NUP88: variants seen among roughly 807,000 people sequenced by gnomAD.
NUP88 encodes nuclear pore complex protein Nup88.
Under a neutral mutation model 93.9 loss-of-function variants are expected in NUP88, and 57 were observed. The ratio of observed to expected loss-of-function variants is 0.61; its 90% CI spans 0.49 to 0.76. NUP88 has a LOEUF of 0.76. Among genes scored for constraint, NUP88 ranks in the 30% least tolerant of loss-of-function variants. NUP88 has a pLI of 0.00. For missense variants in NUP88, 911 were observed against 901.0 expected, an observed-to-expected ratio of 1.01 and a Z score of -0.14; for synonymous variants, 346 against 336.8, an observed-to-expected ratio of 1.03 and a Z score of -0.30.
chr17:5,419,330 C>T (rs372739978), intron 1 of NUP88, 24 bp downstream of exon 1: 271 of 1,536,212 alleles, frequency 1.8e-4, no homozygotes, highest in South Asian at 1.7e-3. Context: ...GTGAGGGTCA[C>T]TTCCAAGATC....
At position 5,414,005 on chromosome 17, in the gene NUP88, T is replaced by G. The variant is rs1275163168; in HGVS notation, c.593+4A>C. 6.2e-7 allele frequency: 1 copy of G among 1,613,156 alleles called. No individual in the cohort carries two copies. The highest frequency in any genetic ancestry group is 8.5e-7 in the Non-Finnish European group (1 of 1,179,484). On this transcript the variant is annotated splice_donor_region_variant and intron_variant, in intron 3 of 16. Coordinates refer to ENST00000573584, the MANE Select transcript of NUP88 (RefSeq NM_002532.6). ...AGGCTTCAAGAGAGAGAAATAAAATTTACCTGATTACGTTGTCTGATGTTA... is the reference window on the plus strand; with the variant it reads ...AGGCTTCAAGAGAGAGAAATAAAATGTACCTGATTACGTTGTCTGATGTTA...
At chr17:5,396,336 C>T (rs894484210) in intron 8 of NUP88, among the ~76,000 whole-genome samples, 1 of 152,228 alleles carries the variant, frequency 6.6e-6, no homozygotes, top group African/African-American at 2.4e-5. Flanking sequence ...GGCAACTAAT[C>T]TACTTTCTGT....
At chr17:5,405,360 G>A (rs1346820505) in intron 5 of NUP88, 117 bp from the exon 6 acceptor site, 4 of 787,002 alleles carry the variant, frequency 5.1e-6, no homozygotes, top group Middle Eastern at 3.4e-4. Flanking sequence ...TAAATGTAGT[G>A]TATTCCCAAT....
At chr17:5,408,667 C>A (rs1913639510) in intron 5 of NUP88, 66 bp downstream of exon 5, 2 of 1,234,224 alleles carry the variant, frequency 1.6e-6, no homozygotes, top group African/African-American at 1.5e-5. Context: ...CCAAGTCCAG[C>A]CTCAATGATA....
chr17:5,389,486 G>A (rs1339224094), intron 10 of NUP88, among the ~76,000 whole-genome samples: 1 of 152,054 alleles, frequency 6.6e-6, no homozygotes, highest in Non-Finnish European at 1.5e-5. Flanking sequence ...CAATTCTAAC[G>A]TGAATGTTTG....
intron 10 of NUP88, among the ~76,000 whole-genome samples, chr17:5,389,995 A>G (rs1228824801): frequency 6.6e-6 from 1 of 151,442 alleles, no homozygotes; most frequent in African/African-American, 2.4e-5. Context: ...GCAAAACCTC[A>G]TCTCTACTAA....
chr17:5,386,786 T>A lies in NUP88; in HGVS notation c.2084A>T (p.Lys695Met), dbSNP rs149449837. ...KKDYQQQKMEKVLSLPKPTII... is the reference protein window; with the variant it reads ...KKDYQQQKMEMVLSLPKPTII... ...GGTGGGTTTTGGAAGACTCAACACC[T>A]TCTCCATCTTTTGCTGTTGATAATC... Residue 695 changes from lysine to methionine, a missense_variant, in exon 16 of 17, where the codon AAG (lysine) becomes ATG (methionine). By Grantham distance (95) the Lys-to-Met change is moderately conservative. Transcript: ENST00000573584. 11 of 1,613,620 alleles carry A rather than the reference T, an allele frequency of 6.8e-6. No homozygotes were observed. The highest frequency in any genetic ancestry group is 1.3e-5 in the African/African-American group (1 of 74,934).
At chr17:5,393,119 AT>A (rs35980233) in intron 9 of NUP88, among the ~76,000 whole-genome samples, 69,927 of 150,520 alleles carry the variant, frequency 0.46, 16,889 homozygotes, top group East Asian at 0.84. Flanking sequence ...CACCCAGCTA[AT>A]TTTTTTTTTG....
intron 1 of NUP88, among the ~76,000 whole-genome samples, chr17:5,417,681 A>G (rs1461792391): frequency 6.6e-6 from 1 of 152,068 alleles, no homozygotes; most frequent in Admixed American, 6.5e-5. Flanking sequence ...TCCACTAAAA[A>G]TACAAAAAGT....
rs533077463 is a variant in NUP88 at position 5,403,451 on chromosome 17, T to A, written c.1192+648A>T. Among the ~76,000 whole-genome samples, 15 of 152,232 alleles carry A rather than the reference T, an allele frequency of 9.9e-5. No individual in the cohort carries two copies. The East Asian group carries it at 2.9e-3, about 29-fold the overall frequency. On this transcript the variant is annotated intron_variant, in intron 7 of 16. Coordinates refer to ENST00000573584, the MANE Select transcript of NUP88 (RefSeq NM_002532.6). ...GAGATGGTGCCACTGCACTTCAGCC[T>A]GGGCAACAGAGCGAGACTCCATCTC...
In NUP88 at chr17:5,385,555, C is replaced by G. The variant is rs1368880735; in HGVS notation, c.*651G>C. ...GACAAAATCACATTCTGCATACTAA[C>G]CTATTTTTTTCTCCCTTTAAGGTGC... On this transcript the variant is annotated 3_prime_UTR_variant, in exon 17 of 17. Coordinates refer to ENST00000573584, the MANE Select transcript of NUP88 (RefSeq NM_002532.6). The G allele has an allele frequency of 1.7e-5, 4 of 230,758 alleles. No individual in the cohort carries two copies. Among genetic ancestry groups the G allele is most frequent in the Non-Finnish European group, 3.4e-5 (4 of 116,656 alleles). 14.3% of individuals were successfully genotyped at this position (230,758 alleles called of 1,614,324 possible).
chr17:5,414,923 C>T (rs570513632), intron 2 of NUP88, among the ~76,000 whole-genome samples: 5 of 151,552 alleles, frequency 3.3e-5, no homozygotes, highest in African/African-American at 2.4e-5. Context: ...GCTGAGATCA[C>T]GCCACTGCAC....
At chr17:5,406,413 T>TCA (rs1913492406) in intron 5 of NUP88, among the ~76,000 whole-genome samples, 1 of 152,200 alleles carries the variant, frequency 6.6e-6, no homozygotes, top group Non-Finnish European at 1.5e-5. Context: ...CAGGACTGGC[T>TCA]TATGAAGTAC....
At chr17:5,413,957 GA>G in intron 3 of NUP88, 51 bp downstream of exon 3, 11 of 1,597,336 alleles carry the variant, frequency 6.9e-6, no homozygotes, top group Non-Finnish European at 9.4e-6. Flanking sequence ...TTGGCAAACA[GA>G]AACAGAGCTT....
chr17:5,403,982 C>G, intron 7 of NUP88, 117 bp downstream of exon 7: 1 of 1,061,326 alleles, frequency 9.4e-7, no homozygotes, highest in Non-Finnish European at 1.3e-6. Flanking sequence ...TAAAAAAAAC[C>G]CAGTCAACTT....
Position 5,410,769 on chromosome 17 carries a change from G to A in NUP88, c.614C>T (p.Pro205Leu), listed in dbSNP as rs769974456. The A allele has an allele frequency of 6.6e-5, 106 of 1,610,738 alleles. No homozygotes were observed. The highest frequency in any genetic ancestry group is 7.8e-5 in the Non-Finnish European group (92 of 1,177,996). ...NVIRIYSLRE[P>L]QTPTNVIILS... Reference sequence around the variant, plus strand: ...TATTATCACGTTAGTGGGTGTCTGCGGCTCACGTAGTGAGTAAATTCTAGC... The same window carrying A: ...TATTATCACGTTAGTGGGTGTCTGCAGCTCACGTAGTGAGTAAATTCTAGC... The change falls in exon 4 of 17, where the codon CCG becomes CTG. Residue 205 changes from proline (P) to leucine (L), a missense_variant. Coordinates refer to ENST00000573584, the MANE Select transcript of NUP88 (RefSeq NM_002532.6).
chr17:5,388,919 C>G lies in NUP88; in HGVS notation c.1526G>C (p.Arg509Pro), dbSNP rs762743612. ...AGACTCTGCCACTTCAACATCTTCTCGAGTACAAAGCAGGGGAGGAGACGC... is the reference window on the plus strand; with the variant it reads ...AGACTCTGCCACTTCAACATCTTCTGGAGTACAAAGCAGGGGAGGAGACGC... ...HPASPPLLCT[R>P]EDVEVAESPL... The change falls in exon 11 of 17, where the codon CGA (arginine) becomes CCA (proline). Residue 509 changes from arginine to proline, a missense_variant. By Grantham distance (103) the Arg-to-Pro change is moderately radical. Transcript: ENST00000573584. The G allele has an allele frequency of 2.5e-6, 4 of 1,613,758 alleles. No homozygotes were observed. In the East Asian group the frequency reaches 8.9e-5, roughly 36 times the overall value.
chr17:5,408,956 A>G, intron 4 of NUP88, 47 bp from the exon 5 acceptor site: 2 of 1,462,444 alleles, frequency 1.4e-6, no homozygotes, highest in Non-Finnish European at 1.8e-6. Flanking sequence ...AAAACAACAA[A>G]AAGTAAAAAG....
In NUP88 at chr17:5,414,147, T is replaced by C. The variant is rs771760442; in HGVS notation, c.468-13A>G. The C allele has an allele frequency of 1.2e-6, 2 of 1,608,416 alleles. No homozygotes were observed. The highest frequency in any genetic ancestry group is 1.7e-6 in the Non-Finnish European group (2 of 1,177,260). On this transcript the variant is annotated splice_polypyrimidine_tract_variant and intron_variant, in intron 2 of 16. Coordinates refer to ENST00000573584, the MANE Select transcript of NUP88 (RefSeq NM_002532.6). ...AACTGGAGTGGTACTAAAATAAAGA[T>C]AATAATTTTCCAAAACATTTTGTAC...
Sources: gnomAD v4.1 joint callset for allele counts (sites outside exome capture counted in the v4.1 genomes callset) on GRCh38, gnomAD v4.1.1 for gene constraint, MANE v1.5 for transcripts, NCBI Gene and HGNC (gene_info 2026-07-23, HGNC 2026-07-21) for gene names.